Variants in MS4A4E observed in about 807,000 individuals in gnomAD.
The protein encoded by MS4A4E is putative membrane-spanning 4-domains subfamily A member 4E.
Under a neutral mutation model 13.3 loss-of-function variants are expected in MS4A4E, and 23 were observed. That is an observed-to-expected ratio of 1.73 (90% CI 1.25 to 2.45). MS4A4E has a LOEUF of 2.45. Among genes scored for constraint, MS4A4E ranks in the 30% most tolerant of loss-of-function variants. The pLI is 0.00. For missense variants in MS4A4E, 144 were observed against 131.2 expected (o/e 1.10, Z -0.48); for synonymous variants, 36 against 45.6 (o/e 0.79, Z 0.85).
intron 1 of MS4A4E, among the ~76,000 whole-genome samples, chr11:60,235,607 T>C (rs73485327): frequency 0.014 from 2,057 of 152,326 alleles, 50 homozygotes; most frequent in African/African-American, 0.046. Flanking sequence ...TGAGGAAGAC[T>C]GGATATCTTC....
chr11:60,218,466 C>T (rs1345258337), intron 3 of MS4A4E, among the ~76,000 whole-genome samples: 1 of 152,136 alleles, frequency 6.6e-6, no homozygotes, highest in Non-Finnish European at 1.5e-5. Context: ...TGTGGGGTGT[C>T]ACGGAACCTA....
chr11:60,227,415 G>A (rs2084357419), intron 3 of MS4A4E, among the ~76,000 whole-genome samples: 1 of 152,292 alleles, frequency 6.6e-6, no homozygotes, highest in East Asian at 1.9e-4. Flanking sequence ...GCCAGGCATA[G>A]TGGCAGGCGC....
chr11:60,224,952 A>G (rs1036377964), intron 3 of MS4A4E: 54 of 1,500,400 alleles, frequency 3.6e-5, no homozygotes, highest in Non-Finnish European at 4.2e-5. Flanking sequence ...ATATCAAAAA[A>G]TACCCTGCTT....
At position 60,202,568 on chromosome 11, in the gene MS4A4E, C is replaced by G. The variant is rs558893524; in HGVS notation, c.660-689G>C. On this transcript the variant is annotated intron_variant, in intron 8 of 8. Coordinates refer to ENST00000651255, the MANE Select transcript of MS4A4E (RefSeq NM_001393391.1). ...CAGATAGCCAACTGAGAGCTATTAC[C>G]CAAACCGAAAACAGTCCTAGTTTCC... 2.0e-5 allele frequency among the ~76,000 whole-genome samples: 3 copies of G among 152,218 alleles called. No homozygotes were observed. The East Asian group carries it at 5.8e-4, about 29-fold the overall frequency.
Position 60,230,084 on chromosome 11 carries a change from A to G in MS4A4E, c.-16-13T>C. 1 of 1,566,710 alleles carries G rather than the reference A, an allele frequency of 6.4e-7. No individual in the cohort carries two copies. Among genetic ancestry groups the G allele is most frequent in the Non-Finnish European group, 8.6e-7 (1 of 1,161,188 alleles). Reference sequence around the variant, plus strand: ...AGCAGAAAAGGTGCTACAATAAGAAATGTAATTTAGGATGAGGTCCTGGAA... The same window carrying G: ...AGCAGAAAAGGTGCTACAATAAGAAGTGTAATTTAGGATGAGGTCCTGGAA... On this transcript the variant is annotated splice_polypyrimidine_tract_variant and intron_variant, in intron 1 of 8. Transcript: ENST00000651255.
At chr11:60,215,465 C>T (rs907909356) in intron 3 of MS4A4E, among the ~76,000 whole-genome samples, 1 of 151,448 alleles carries the variant, frequency 6.6e-6, no homozygotes, top group Non-Finnish European at 1.5e-5. Context: ...CTGTTAATTG[C>T]TACTCATGTT....
chr11:60,222,397 T>C (rs766623885), intron 3 of MS4A4E, among the ~76,000 whole-genome samples: 1 of 152,214 alleles, frequency 6.6e-6, no homozygotes, highest in African/African-American at 2.4e-5. Flanking sequence ...ATGTTTCCCA[T>C]CATCCTGAAG....
intron 1 of MS4A4E, among the ~76,000 whole-genome samples, chr11:60,237,181 A>G (rs1411045929): frequency 1.3e-5 from 2 of 152,170 alleles, no homozygotes; most frequent in Admixed American, 1.3e-4. Context: ...TCCACTTATA[A>G]GTGAGAACAT....
rs2084021955 is a variant in MS4A4E at position 60,204,975 on chromosome 11, G to T, written c.591-17C>A. Among the ~76,000 whole-genome samples the T allele has an allele frequency of 6.6e-6, 1 of 152,172 alleles. No individual in the cohort carries two copies. Among genetic ancestry groups the T allele is most frequent in the Non-Finnish European group, 1.5e-5 (1 of 68,028 alleles). ...TCTCCGGAGCTGGAGAAAGTAGACAGGTTAGCATTGAAAGAAGGAGGGCCT... is the reference window on the plus strand; with the variant it reads ...TCTCCGGAGCTGGAGAAAGTAGACATGTTAGCATTGAAAGAAGGAGGGCCT... On this transcript the variant is annotated splice_polypyrimidine_tract_variant and intron_variant, in intron 7 of 8. Transcript: ENST00000651255.
At chr11:60,217,423 C>G (rs2084210819) in intron 3 of MS4A4E, among the ~76,000 whole-genome samples, 1 of 147,480 alleles carries the variant, frequency 6.8e-6, no homozygotes, top group Non-Finnish European at 1.5e-5. Flanking sequence ...TTTTTTTTGC[C>G]AGAAAAAACA....
At chr11:60,211,683 TG>T (rs2084123248) in intron 5 of MS4A4E, among the ~76,000 whole-genome samples, 1 of 152,098 alleles carries the variant, frequency 6.6e-6, no homozygotes, top group Non-Finnish European at 1.5e-5. Context: ...GAGGCCGAGG[TG>T]GGTGGATCAC....
At chr11:60,223,610 A>C (rs984184084) in intron 3 of MS4A4E, among the ~76,000 whole-genome samples, 1 of 152,148 alleles carries the variant, frequency 6.6e-6, no homozygotes, top group Non-Finnish European at 1.5e-5. Context: ...GAGTCAGTGG[A>C]CTGGGAAAGG....
chr11:60,209,566 G>T (rs1434016709), intron 5 of MS4A4E, among the ~76,000 whole-genome samples: 1 of 152,164 alleles, frequency 6.6e-6, no homozygotes, highest in East Asian at 1.9e-4. Context: ...TCTGCCTAAT[G>T]ATTTGTAGTA....
chr11:60,218,136 G>T (rs1451187187), intron 3 of MS4A4E, among the ~76,000 whole-genome samples: 1 of 152,158 alleles, frequency 6.6e-6, no homozygotes, highest in African/African-American at 2.4e-5. Context: ...GGCTGTAGGG[G>T]TGAAATAGAC....
In MS4A4E at chr11:60,230,009, G is replaced by A; in HGVS notation, c.47C>T (p.Pro16Leu). The change falls in exon 2 of 9, where the codon CCT (proline) becomes CTT (leucine). Residue 16 changes from proline (P) to leucine (L), a missense_variant. Pro to Leu is a moderately conservative substitution (Grantham distance 98). Transcript: ENST00000651255. ...TATGTTTCCCAGCTGGGGCACATCA[G>A]GGCCAGCCCCTGGAGTGGTCTGTTC... ...GMEQTTPGAG[P>L]DVPQLGNIDV... 1 of 1,613,376 alleles carries A rather than the reference G, an allele frequency of 6.2e-7. No homozygotes were observed. Among genetic ancestry groups the A allele is most frequent in the East Asian group, 2.2e-5 (1 of 44,792 alleles).
chr11:60,200,488 G>A lies in MS4A4E; in HGVS notation c.*1055C>T, dbSNP rs1473374066. Among the ~76,000 whole-genome samples, 1 of 152,080 alleles carries A rather than the reference G, an allele frequency of 6.6e-6. No individual in the cohort carries two copies. Among genetic ancestry groups the A allele is most frequent in the Non-Finnish European group, 1.5e-5 (1 of 68,018 alleles). On this transcript the variant is annotated 3_prime_UTR_variant, in exon 9 of 9. Coordinates refer to ENST00000651255, the MANE Select transcript of MS4A4E (RefSeq NM_001393391.1). ...GTACTTGAGATTAGGGAGTGGTGAT[G>A]ACTCTTAACGAGCATGCTGCCTTCA...
intron 3 of MS4A4E, among the ~76,000 whole-genome samples, chr11:60,216,205 C>T (rs2084189829): frequency 6.6e-6 from 1 of 152,162 alleles, no homozygotes; most frequent in Admixed American, 6.6e-5. Context: ...AGTTCAATGC[C>T]TACAAGAGTC....
intron 5 of MS4A4E, among the ~76,000 whole-genome samples, chr11:60,211,398 C>T (rs908854932): frequency 5.9e-5 from 9 of 152,180 alleles, no homozygotes; most frequent in Admixed American, 1.3e-4. Context: ...GGTGTGACTA[C>T]GTAGCCCTCA....
intron 3 of MS4A4E, among the ~76,000 whole-genome samples, chr11:60,226,491 T>A (rs1455504701): frequency 6.6e-6 from 1 of 152,058 alleles, no homozygotes; most frequent in Non-Finnish European, 1.5e-5. Flanking sequence ...CATTCAAAAA[T>A]CAATGAATGT....
Sources: gnomAD v4.1 joint callset for allele counts (sites outside exome capture counted in the v4.1 genomes callset) on GRCh38, gnomAD v4.1.1 for gene constraint, MANE v1.5 for transcripts, NCBI Gene and HGNC (gene_info 2026-07-23, HGNC 2026-07-21) for gene names.